SLC67A2: variants seen among roughly 807,000 people sequenced by gnomAD.
The protein encoded by SLC67A2 is solute carrier family 67 member A2.
At chr2:102,723,842 C>T in the SLC67A2 span, 1 of 1,614,142 alleles carries the variant, frequency 6.2e-7, no homozygotes, top group South Asian at 1.1e-5. Flanking sequence ...TTACAAGCGG[C>T]CGTTCCTTCT....
chr2:102,729,103 C>T, the SLC67A2 span, among the ~76,000 whole-genome samples: 1 of 152,128 alleles, frequency 6.6e-6, no homozygotes, highest in Middle Eastern at 3.4e-3. Context: ...AAAATATGTG[C>T]TTACAGAAGT....
chr2:102,734,996 C>A, the SLC67A2 span, among the ~76,000 whole-genome samples: 1 of 152,142 alleles, frequency 6.6e-6, no homozygotes, highest in Non-Finnish European at 1.5e-5. Context: ...CTGGCTGAAC[C>A]AGCCCAAGTC....
the SLC67A2 span, chr2:102,718,502 AAC>A: frequency 6.2e-7 from 1 of 1,613,984 alleles, no homozygotes; most frequent in African/African-American, 1.3e-5. Flanking sequence ...CACTAAGGCT[AAC>A]ACAGCGCCCA....
the SLC67A2 span, among the ~76,000 whole-genome samples, chr2:102,728,309 GTTCCTGCGTCCCTCC>G: frequency 1.9e-4 from 29 of 152,172 alleles, no homozygotes; most frequent in African/African-American, 7.0e-4. Context: ...ACTGAGGCTG[GTTCCTGCGTCCCTCC>G]TTCCTCAGTG....
the SLC67A2 span, among the ~76,000 whole-genome samples, chr2:102,724,973 G>A: frequency 1.3e-5 from 2 of 152,160 alleles, no homozygotes; most frequent in Non-Finnish European, 2.9e-5. Context: ...CGTAGGTCTC[G>A]CAGGAATTCT....
chr2:102,719,108 T>C, the SLC67A2 span: 2 of 1,614,222 alleles, frequency 1.2e-6, no homozygotes, highest in South Asian at 2.2e-5. Flanking sequence ...CTGCACTGTG[T>C]CATGGCTCCT....
At chr2:102,736,633 C>A in the SLC67A2 span, 2 of 1,613,918 alleles carry the variant, frequency 1.2e-6, no homozygotes, top group Admixed American at 1.7e-5. Flanking sequence ...CCAGCCCCCA[C>A]GCTCGCACTC....
chr2:102,723,617 C>T, the SLC67A2 span: 41 of 1,366,982 alleles, frequency 3.0e-5, no homozygotes, highest in Non-Finnish European at 3.9e-5. Flanking sequence ...CTGATAAAAA[C>T]GAATTGCAAA....
the SLC67A2 span, chr2:102,736,550 A>G: frequency 3.3e-5 from 53 of 1,608,518 alleles, no homozygotes; most frequent in Non-Finnish European, 4.3e-5. Flanking sequence ...GCGGGTTCCC[A>G]CTCCCTGGGA....
the SLC67A2 span, among the ~76,000 whole-genome samples, chr2:102,734,095 C>T: frequency 1.3e-5 from 2 of 152,198 alleles, no homozygotes; most frequent in African/African-American, 4.8e-5. Context: ...CATGTAACCA[C>T]TTGTAAAAAG....
At chr2:102,732,514 A>T in the SLC67A2 span, 1 of 898,508 alleles carries the variant, frequency 1.1e-6, no homozygotes, top group African/African-American at 1.7e-5. Flanking sequence ...TAAAATTTTA[A>T]ACACGTAAGA....
At chr2:102,734,967 A>C in the SLC67A2 span, among the ~76,000 whole-genome samples, 2 of 152,198 alleles carry the variant, frequency 1.3e-5, no homozygotes, top group African/African-American at 4.8e-5. Context: ...TTTCCAGGTA[A>C]GGGCTCAAAT....
the SLC67A2 span, chr2:102,736,685 G>A: frequency 6.2e-7 from 1 of 1,613,604 alleles, no homozygotes. Context: ...GGAAGCGGCG[G>A]GCTCCGACGG....
chr2:102,729,967 T>C, the SLC67A2 span, among the ~76,000 whole-genome samples: 3 of 152,228 alleles, frequency 2.0e-5, no homozygotes, highest in African/African-American at 7.2e-5. Context: ...GTACACTTTG[T>C]GTTCATTAAA....
At chr2:102,719,538 T>C in the SLC67A2 span, among the ~76,000 whole-genome samples, 1 of 152,216 alleles carries the variant, frequency 6.6e-6, no homozygotes. Flanking sequence ...TCTTCCCTTA[T>C]TAACTTTCTA....
At chr2:102,716,419 A>G in the SLC67A2 span, 9 of 152,208 alleles carry the variant, frequency 5.9e-5, no homozygotes, top group East Asian at 1.5e-3. Context: ...AATCTCCATG[A>G]GATTTAATTT....
chr2:102,719,438 C>T, the SLC67A2 span, among the ~76,000 whole-genome samples: 1 of 152,208 alleles, frequency 6.6e-6, no homozygotes, highest in Non-Finnish European at 1.5e-5. Flanking sequence ...ACGATACCTA[C>T]AAAATACTCA....
At chr2:102,736,426 G>A in the SLC67A2 span, 3 of 1,276,578 alleles carry the variant, frequency 2.4e-6, no homozygotes, top group East Asian at 2.7e-5. Flanking sequence ...TCCGCGAACG[G>A]GGTGCAAGAG....
the SLC67A2 span, among the ~76,000 whole-genome samples, chr2:102,733,057 G>C: frequency 1.3e-5 from 2 of 152,240 alleles, no homozygotes; most frequent in Non-Finnish European, 1.5e-5. Flanking sequence ...GTAGAAATAT[G>C]ATGAGCATTA....
Sources: allele counts gnomAD v4.1 joint callset (sites outside exome capture counted in the v4.1 genomes callset), GRCh38; gene constraint gnomAD v4.1.1; transcripts MANE v1.5; gene names NCBI Gene and HGNC (gene_info 2026-07-23, HGNC 2026-07-21).